Variants in SMC3 observed in about 807,000 individuals in gnomAD.
The protein encoded by SMC3 is structural maintenance of chromosomes 3, also known as structural maintenance of chromosomes protein 3.
A neutral mutation model predicts 171.8 loss-of-function variants in SMC3; 20 were observed. That is an observed-to-expected ratio of 0.12 (90% confidence interval 0.08 to 0.17). The LOEUF (loss-of-function observed/expected upper bound fraction) is 0.17, where lower values mean the gene tolerates loss of function less well. SMC3 is among the 10% of genes least tolerant of loss of function. The pLI, the probability that SMC3 is intolerant of heterozygous loss-of-function variation, is 1.00. For synonymous variants in SMC3, 464 were observed against 451.1 expected, an observed-to-expected ratio of 1.03 and a Z score of -0.36; for missense variants, 543 against 1,420.4, an observed-to-expected ratio of 0.38 and a Z score of 9.93.
At position 110,567,881 on chromosome 10, in the gene SMC3, C is replaced by T. The variant is rs772465604; in HGVS notation, c.15+50C>T. The T allele has an allele frequency of 1.4e-5, 22 of 1,608,858 alleles. No homozygotes were observed. In the Admixed American group the frequency reaches 3.2e-4, roughly 23 times the overall value. On this transcript the variant is annotated intron_variant, in intron 1 of 28. Coordinates refer to ENST00000361804, the MANE Select transcript of SMC3 (RefSeq NM_005445.4). ...CCGTCATGGGCCGGTAAGGGCCGCT[C>T]CTTGAGGCGGGAGTGTTGCGGCGCC... is the stretch of plus-strand genomic sequence containing the variant.
In SMC3 at chr10:110,593,195, T is replaced by C. The variant is rs777573778; in HGVS notation, c.1935T>C (p.Ala645=). Reference sequence around the variant, plus strand: ...AAGTTTCAACCCAGCTGGCCCGTGCTTTCACTATGGACTGTATTACTTTGG... The same window carrying C: ...AAGTTTCAACCCAGCTGGCCCGTGCCTTCACTATGGACTGTATTACTTTGG... ...SMEVSTQLAR[A]FTMDCITLEG... The change falls in exon 18 of 29, where the codon GCT becomes GCC. Residue 645 remains alanine (A), a synonymous_variant. Transcript: ENST00000361804. 4 of 1,614,180 alleles carry C rather than the reference T, an allele frequency of 2.5e-6. No homozygotes were observed. In the East Asian group the frequency reaches 8.9e-5, roughly 36 times the overall value.
chr10:110,594,655 C>T (rs1238981615), intron 18 of SMC3, among the ~76,000 whole-genome samples: 1 of 151,820 alleles, frequency 6.6e-6, no homozygotes, highest in East Asian at 1.9e-4. Context: ...TTTAGTTTAC[C>T]TGCCCTCAAT....
intron 2 of SMC3, among the ~76,000 whole-genome samples, chr10:110,570,016 A>G (rs1218461566): frequency 6.6e-6 from 1 of 152,224 alleles, no homozygotes; most frequent in Non-Finnish European, 1.5e-5. Flanking sequence ...ACAAAATACC[A>G]TAGACTGGTG....
At chr10:110,578,815 T>G in intron 7 of SMC3, 109 bp downstream of exon 7, 6 of 781,372 alleles carry the variant, frequency 7.7e-6, no homozygotes, top group Non-Finnish European at 1.3e-5. Flanking sequence ...AAAATGGCCA[T>G]ATTCTTTTAC....
At chr10:110,592,339 C>T (rs368025671) in intron 17 of SMC3, among the ~76,000 whole-genome samples, 210 of 151,968 alleles carry the variant, frequency 1.4e-3, no homozygotes, top group Non-Finnish European at 1.7e-3. Context: ...GGTCGTTTCT[C>T]GCAGGTAACC....
intron 22 of SMC3, 48 bp downstream of exon 22, chr10:110,600,594 T>G: frequency 1.1e-6 from 1 of 928,476 alleles, no homozygotes; most frequent in Non-Finnish European, 1.8e-6. Flanking sequence ...TTGGTGGCCA[T>G]GACCTATTGC....
At chr10:110,588,191 G>A (rs113097360) in intron 13 of SMC3, among the ~76,000 whole-genome samples, 1 of 152,004 alleles carries the variant, frequency 6.6e-6, no homozygotes, top group Non-Finnish European at 1.5e-5. Context: ...GGGGTTTCAC[G>A]ATGTTGCCCA....
intron 2 of SMC3, among the ~76,000 whole-genome samples, chr10:110,573,408 A>G (rs1191386825): frequency 6.6e-6 from 1 of 152,018 alleles, no homozygotes; most frequent in Non-Finnish European, 1.5e-5. Flanking sequence ...TTGTAATATG[A>G]TATAAGAGCC....
intron 4 of SMC3, 131 bp from the exon 5 acceptor site, chr10:110,577,290 G>C (rs989537175): frequency 1.0e-4 from 74 of 706,138 alleles, no homozygotes; most frequent in Middle Eastern, 2.5e-4. Context: ...GTGTGTGTGT[G>C]TATATATGAA....
At chr10:110,569,303 C>T (rs1860831552) in intron 2 of SMC3, among the ~76,000 whole-genome samples, 1 of 152,014 alleles carries the variant, frequency 6.6e-6, no homozygotes, top group Non-Finnish European at 1.5e-5. Context: ...TGTTATATAT[C>T]CTAGTGAAAA....
chr10:110,597,334 C>CA (rs1332480629), intron 19 of SMC3, among the ~76,000 whole-genome samples: 3 of 151,248 alleles, frequency 2.0e-5, no homozygotes, highest in African/African-American at 7.3e-5. Flanking sequence ...ACAAATGAAA[C>CA]AATTGTATAT....
chr10:110,568,079 T>C (rs867353402), intron 1 of SMC3, among the ~76,000 whole-genome samples: 4 of 152,070 alleles, frequency 2.6e-5, no homozygotes, highest in African/African-American at 9.7e-5. Flanking sequence ...AGGCAGGATC[T>C]CCGAGAGGTG....
At chr10:110,600,920 T>C in intron 22 of SMC3, 102 bp from the exon 23 acceptor site, 1 of 812,956 alleles carries the variant, frequency 1.2e-6, no homozygotes, top group Non-Finnish European at 2.1e-6. Context: ...ATGATGTATT[T>C]ATATTTTTTT....
intron 18 of SMC3, among the ~76,000 whole-genome samples, chr10:110,595,450 C>T (rs1002204459): frequency 3.9e-5 from 6 of 152,172 alleles, no homozygotes; most frequent in African/African-American, 1.2e-4. Context: ...TAATGTGTCC[C>T]ATTGTTAGTG....
rs555918922 is a variant in SMC3, at chr10:110,577,807, A to G, written c.271-28A>G. 7.3e-6 allele frequency: 11 copies of G among 1,505,108 alleles called. No homozygotes were observed. The South Asian group carries it at 1.1e-4, about 16-fold the overall frequency. The allele number at this position is 1,505,108 out of a possible 1,614,324, so 93.2% of individuals were successfully genotyped here. A position where few individuals can be genotyped will look rare whatever the true frequency, so the allele number is the denominator to read the frequency against. ...AAGTTTTCTCCTTTACTATTAAATT[A>G]ACTGTGGGCTTTTACATTTTTTCTT... is the stretch of plus-strand genomic sequence containing the variant. On this transcript the variant is annotated intron_variant, in intron 5 of 28. Transcript: ENST00000361804.
Position 110,602,808 on chromosome 10 carries a change from A to G in SMC3, c.3298-17A>G, listed in dbSNP as rs1008262112. On this transcript the variant is annotated splice_polypyrimidine_tract_variant and intron_variant, in intron 26 of 28. Transcript: ENST00000361804. ...TCTGCCCTTTAGGATATTAACTCATAATATGTTTATTTTTAGGTGTCATTT... is the reference window on the plus strand; with the variant it reads ...TCTGCCCTTTAGGATATTAACTCATGATATGTTTATTTTTAGGTGTCATTT... 6.2e-7 allele frequency: 1 copy of G among 1,611,458 alleles called. No individual in the cohort carries two copies. Among genetic ancestry groups the G allele is most frequent in the Non-Finnish European group, 8.5e-7 (1 of 1,177,692 alleles).
At chr10:110,590,961 A>T (rs1263811572) in intron 16 of SMC3, 30 bp from the exon 17 acceptor site, 2 of 1,607,840 alleles carry the variant, frequency 1.2e-6, no homozygotes, top group African/African-American at 2.7e-5. Flanking sequence ...GAGTACCAAT[A>T]AAGATTTGTC....
At chr10:110,584,954 G>A (rs374797429) in intron 13 of SMC3, among the ~76,000 whole-genome samples, 1 of 151,684 alleles carries the variant, frequency 6.6e-6, no homozygotes, top group African/African-American at 2.4e-5. Context: ...TTGGTAGCAT[G>A]TGTCTTACAT....
intron 28 of SMC3, among the ~76,000 whole-genome samples, chr10:110,603,805 T>A (rs1264001806): frequency 2.0e-5 from 3 of 152,100 alleles, no homozygotes; most frequent in Non-Finnish European, 4.4e-5. Flanking sequence ...ATGTAAAATA[T>A]AGGTGATAGG....
Sources: allele counts gnomAD v4.1 joint callset (sites outside exome capture counted in the v4.1 genomes callset), GRCh38; gene constraint gnomAD v4.1.1; transcripts MANE v1.5; gene names NCBI Gene and HGNC (gene_info 2026-07-23, HGNC 2026-07-21).